Variants in OGA observed in about 807,000 individuals in gnomAD.
OGA encodes the protein protein O-GlcNAcase.
In OGA, 21 loss-of-function variants were observed where a neutral mutation model predicts 102.0. The ratio of observed to expected loss-of-function variants is 0.21; its 90% confidence interval spans 0.15 to 0.30. The LOEUF (loss-of-function observed/expected upper bound fraction) is 0.30. OGA is among the 10% of genes least tolerant of loss of function. The pLI, the probability that OGA is intolerant of heterozygous loss-of-function variation, is 1.00. For synonymous variants in OGA, 408 were observed against 378.2 expected, an observed-to-expected ratio of 1.08 and a Z score of -0.91; for missense variants, 765 against 1,107.8, an observed-to-expected ratio of 0.69 and a Z score of 4.39.
chr10:101,805,341 G>T (rs2065453875), intron 6 of OGA, among the ~76,000 whole-genome samples: 1 of 152,168 alleles, frequency 6.6e-6, no homozygotes, highest in South Asian at 2.1e-4. Context: ...TGTAAACTTT[G>T]TAAAAGAAAG....
chr10:101,799,451 C>T lies in OGA; in HGVS notation c.1200G>A (p.Arg400=). 6.2e-7 allele frequency: 1 copy of T among 1,605,192 alleles called. No homozygotes were observed. Among genetic ancestry groups the T allele is most frequent in the East Asian group, 2.2e-5 (1 of 44,798 alleles). The change falls in exon 9 of 16, where the codon AGG becomes AGA. Residue 400 remains arginine (R), a synonymous_variant. Transcript: ENST00000361464. ...CTTTAGCTCCACTGTGTGCAACTTG[C>T]CTACCTACAAAAATAAATAAATGTA... ...EFGVPHQYSS[R]QVAHSGAKAS...
At position 101,787,538 on chromosome 10, in the gene OGA, A is replaced by C. The variant is rs1281338117; in HGVS notation, c.2455-15T>G. 1 of 1,600,130 alleles carries C rather than the reference A, an allele frequency of 6.2e-7. No homozygotes were observed. Among genetic ancestry groups the C allele is most frequent in the Admixed American group, 1.7e-5 (1 of 59,482 alleles). Reference sequence around the variant, plus strand: ...AACATTATTTTCTGGAAAAATTAGAATCTCTTGACTTTCACAATAGTTACG... The same window carrying C: ...AACATTATTTTCTGGAAAAATTAGACTCTCTTGACTTTCACAATAGTTACG... On this transcript the variant is annotated splice_polypyrimidine_tract_variant and intron_variant, in intron 14 of 15. Coordinates refer to ENST00000361464, the MANE Select transcript of OGA (RefSeq NM_012215.5).
intron 12 of OGA, among the ~76,000 whole-genome samples, chr10:101,791,666 G>C (rs1212633541): frequency 1.3e-5 from 2 of 152,212 alleles, no homozygotes; most frequent in Non-Finnish European, 2.9e-5. Flanking sequence ...GGCTTTTGCA[G>C]AGGATGGTTT....
chr10:101,795,801 G>C (rs934546718), intron 10 of OGA: 1 of 667,956 alleles, frequency 1.5e-6, no homozygotes, highest in Non-Finnish European at 1.9e-6. Flanking sequence ...GATAGTTGAT[G>C]AGCTTAAAAA....
At chr10:101,805,011 C>A (rs186699226) in intron 6 of OGA, among the ~76,000 whole-genome samples, 1 of 152,216 alleles carries the variant, frequency 6.6e-6, no homozygotes, top group East Asian at 1.9e-4. Context: ...CCTTTTAGCC[C>A]AATTCCCTAT....
Position 101,803,764 on chromosome 10 carries a change from A to G in OGA, c.1007T>C (p.Met336Thr). 1 of 1,614,096 alleles carries G rather than the reference A, an allele frequency of 6.2e-7. No homozygotes were observed. Among genetic ancestry groups the G allele is most frequent in the Non-Finnish European group, 8.5e-7 (1 of 1,179,984 alleles). The change falls in exon 7 of 16, where the codon ATG (methionine) becomes ACG (threonine). Residue 336 changes from methionine (M) to threonine (T), a missense_variant. Transcript: ENST00000361464. The stretch of plus-strand genomic sequence containing the variant: ...CACTACATCTTTTCTCACTCCATTC[A>G]TGTTTGATTTGTACCAGGTGGCAAG... ...HTLATWYKSN[M>T]NGVRKDVVMT...
In OGA at chr10:101,804,386, C is replaced by T. The variant is rs566161292; in HGVS notation, c.752-367G>A. On this transcript the variant is annotated intron_variant, in intron 6 of 15. Transcript: ENST00000361464. ...CTCCTGGATTCACACCATTCTCCTG[C>T]TTCAGCCTCCTGAGTAGCTGGGACT... Among the ~76,000 whole-genome samples, 31 of 151,310 alleles carry T rather than the reference C, an allele frequency of 2.0e-4. 1 individual carries two copies. The highest frequency in any genetic ancestry group is 3.4e-4 in the Non-Finnish European group (23 of 67,894).
At chr10:101,801,313 A>C (rs890625557) in intron 7 of OGA, among the ~76,000 whole-genome samples, 23 of 150,600 alleles carry the variant, frequency 1.5e-4, no homozygotes, top group African/African-American at 5.1e-4. Flanking sequence ...AACTGCTTGA[A>C]CCCAGGTGTC....
At chr10:101,811,537 T>C (rs900208286) in intron 3 of OGA, among the ~76,000 whole-genome samples, 1 of 150,670 alleles carries the variant, frequency 6.6e-6, no homozygotes, top group African/African-American at 2.4e-5. Context: ...CCCCTCTCTC[T>C]ACAAAATATA....
At chr10:101,812,740 T>C in intron 3 of OGA, 1 of 478,546 alleles carries the variant, frequency 2.1e-6, no homozygotes, top group Non-Finnish European at 4.0e-6. Context: ...AGCACTTCTT[T>C]GCCCAGTGGC....
intron 4 of OGA, among the ~76,000 whole-genome samples, chr10:101,808,165 T>G (rs1484220517): frequency 6.6e-6 from 1 of 152,212 alleles, no homozygotes; most frequent in African/African-American, 2.4e-5. Context: ...TTCATTTTTG[T>G]TTTTTCCTGG....
At chr10:101,789,579 G>A (rs2065232338) in intron 14 of OGA, among the ~76,000 whole-genome samples, 1 of 152,068 alleles carries the variant, frequency 6.6e-6, no homozygotes. Flanking sequence ...AAAAGGAAAA[G>A]AGAAACAACA....
At position 101,799,072 on chromosome 10, in the gene OGA, T is replaced by C. The variant is rs1291575738; in HGVS notation, c.1579A>G (p.Met527Val). The C allele has an allele frequency of 1.2e-6, 2 of 1,614,098 alleles. No homozygotes were observed. The highest frequency in any genetic ancestry group is 2.2e-5 in the East Asian group (1 of 44,902). The change falls in exon 9 of 16, where the codon ATG becomes GTG. Residue 527 changes from methionine (M) to valine (V), a missense_variant. Met to Val is a conservative substitution (Grantham distance 21). Around this residue, in one of 7 missense-constraint regions of OGA, gnomAD observed 281 missense variants for 345.8 expected, o/e 0.81. Coordinates refer to ENST00000361464, the MANE Select transcript of OGA (RefSeq NM_012215.5). ...QEDCISDIAP[M>V]QTDEQTNKEQ... ...TTGTTTGTCTGTTCATCAGTTTGCA[T>C]GGGGGCAATGTCACTAATACAATCT...
Position 101,810,249 on chromosome 10 carries a change from G to A in OGA, c.415C>T (p.Pro139Ser). The A allele has an allele frequency of 6.2e-7, 1 of 1,611,260 alleles. No individual in the cohort carries two copies. Among genetic ancestry groups the A allele is most frequent in the Non-Finnish European group, 8.5e-7 (1 of 1,177,470 alleles). Residue 139 changes from proline to serine, a missense_variant, in exon 4 of 16, where the codon CCT becomes TCT. Around this residue, in one of 7 missense-constraint regions of OGA, gnomAD observed 165 missense variants for 249.7 expected, o/e 0.66. Coordinates refer to ENST00000361464, the MANE Select transcript of OGA (RefSeq NM_012215.5). ...YEIEFIYAISPGLDITFSNPK... is the reference protein window; with the variant it reads ...YEIEFIYAISSGLDITFSNPK... ...TTAGAAAAAGTGATATCCAATCCAG[G>A]TGAGATCGCATAGATGAACTCTATC...
At chr10:101,798,817 C>G in intron 9 of OGA, 25 bp downstream of exon 9, 2 of 1,593,570 alleles carry the variant, frequency 1.3e-6, no homozygotes, top group African/African-American at 1.3e-5. Flanking sequence ...CAGGCTTCAG[C>G]AGCAGGTACA....
At position 101,810,269 on chromosome 10, in the gene OGA, T is replaced by A; in HGVS notation, c.395A>T (p.Glu132Val). The A allele has an allele frequency of 6.2e-7, 1 of 1,612,052 alleles. No individual in the cohort carries two copies. Among genetic ancestry groups the A allele is most frequent in the African/African-American group, 1.3e-5 (1 of 74,994 alleles). Reference protein sequence around the residue: ...LISAAREYEIEFIYAISPGLD... With the variant: ...LISAAREYEIVFIYAISPGLD... ...TCCAGGTGAGATCGCATAGATGAAC[T>A]CTATCTCATATTCTCGTGCAGCAGA... Residue 132 changes from glutamate (E) to valine (V), a missense_variant, in exon 4 of 16, where the codon GAG becomes GTG. By Grantham distance (121) the Glu-to-Val change is moderately radical. This residue lies in a region of OGA where 165 missense variants were observed against 249.7 expected (regional missense o/e 0.66). Transcript: ENST00000361464.
chr10:101,818,140 TCCCCTCCCCCTCTGCCCTTC>T lies in OGA; in HGVS notation c.-138_-119del. 7.2e-7 allele frequency: 1 copy of T among 1,387,784 alleles called. No homozygotes were observed. The highest frequency in any genetic ancestry group is 9.3e-7 in the Non-Finnish European group (1 of 1,072,674). The allele number at this position is 1,387,784 out of a possible 1,614,324, so 86.0% of individuals were successfully genotyped here. On this transcript the variant is annotated 5_prime_UTR_variant, in exon 1 of 16. Coordinates refer to ENST00000361464, the MANE Select transcript of OGA (RefSeq NM_012215.5). ...CCAAGTGTGCGCCCCTCCGGCTCCT[TCCCCTCCCCCTCTGCCCTTC>T]CCCCTCCCTCTCCGCAGGGACCCGA...
chr10:101,790,451 AT>A (rs1158642345), intron 14 of OGA, among the ~76,000 whole-genome samples: 1 of 150,834 alleles, frequency 6.6e-6, no homozygotes, highest in Non-Finnish European at 1.5e-5. Flanking sequence ...TTTTTTTTGT[AT>A]TTTTAGTAGA....
Sources: gnomAD v4.1 joint callset for allele counts (sites outside exome capture counted in the v4.1 genomes callset) on GRCh38, gnomAD v4.1.1 for gene constraint, gnomAD v4.1.1 regional missense constraint, MANE v1.5 for transcripts, NCBI Gene and HGNC (gene_info 2026-07-23, HGNC 2026-07-21) for gene names.